The following STAB2 variants were observed in gnomAD, a reference collection of about 807,000 sequenced individuals.
STAB2 encodes the protein stabilin 2, also known as stabilin-2.
In STAB2, 288 loss-of-function variants were observed where a neutral mutation model predicts 338.1. That is an observed-to-expected ratio of 0.85 (90% CI 0.77 to 0.94). The LOEUF (loss-of-function observed/expected upper bound fraction) is 0.94, where lower values mean the gene tolerates loss of function less well. Among genes scored for constraint, STAB2 ranks in the 40% least tolerant of loss-of-function variants. The probability of loss-of-function intolerance (pLI) is 0.00; values close to 1 mark genes in which losing one functional copy is unlikely to be tolerated. For missense variants in STAB2, 3,141 were observed against 3,210.1 expected (o/e 0.98, Z 0.52); for synonymous variants, 1,202 against 1,193.3 (o/e 1.01, Z -0.15).
At chr12:103,687,585 T>C (rs1357946187) in intron 27 of STAB2, among the ~76,000 whole-genome samples, 3 of 152,198 alleles carry the variant, frequency 2.0e-5, no homozygotes, top group Non-Finnish European at 2.9e-5. Flanking sequence ...TAAAACTTAC[T>C]GAAATTACTG....
Position 103,730,130 on chromosome 12 carries a change from A to G in STAB2, c.5097A>G (p.Ile1699Met). Residue 1699 changes from isoleucine (I) to methionine (M), a missense_variant, in exon 49 of 69, where the codon ATA becomes ATG. Ile to Met is a conservative substitution (Grantham distance 10, BLOSUM62 1). Transcript: ENST00000388887. ...GTTGATTTCAGAGCACGGTGTATAT[A>G]AACAATAAGGCTAAGATCATATCCA... ...VISVSQSTVY[I>M]NNKAKIISSD... 1.2e-6 allele frequency: 2 copies of G among 1,602,976 alleles called. No individual in the cohort carries two copies. The highest frequency in any genetic ancestry group is 1.7e-6 in the Non-Finnish European group (2 of 1,175,764).
At chr12:103,599,646 T>A (rs1212461093) in intron 3 of STAB2, among the ~76,000 whole-genome samples, 1 of 152,228 alleles carries the variant, frequency 6.6e-6, no homozygotes, top group African/African-American at 2.4e-5. Context: ...CAATATTCAT[T>A]GCCTATCTGA....
chr12:103,625,004 T>C (rs1196612635), intron 5 of STAB2, among the ~76,000 whole-genome samples: 1 of 150,992 alleles, frequency 6.6e-6, no homozygotes, highest in Non-Finnish European at 1.5e-5. Flanking sequence ...AACATTACAT[T>C]AAAGGACAGC....
rs187690547 is a variant in STAB2, at chr12:103,736,497, G to A, written c.5550+917G>A. On this transcript the variant is annotated intron_variant, in intron 52 of 68. Coordinates refer to ENST00000388887, the MANE Select transcript of STAB2 (RefSeq NM_017564.10). ...ATCTTTTCATTCCAGCTTCTGGTACGTTATCCCAGTGTGCACTCTTGGGAT... is the reference window on the plus strand; with the variant it reads ...ATCTTTTCATTCCAGCTTCTGGTACATTATCCCAGTGTGCACTCTTGGGAT... Among the ~76,000 whole-genome samples the A allele has an allele frequency of 6.0e-4, 91 of 152,166 alleles. 4 individuals carry two copies. Among genetic ancestry groups the A allele is most frequent in the Admixed American group, 2.1e-3 (32 of 15,292 alleles).
chr12:103,727,140 C>T, intron 46 of STAB2, 127 bp from the exon 47 acceptor site: 1 of 902,298 alleles, frequency 1.1e-6, no homozygotes, highest in South Asian at 1.5e-5. Flanking sequence ...GAATCCAAGA[C>T]TGAAACAGAG....
At chr12:103,654,809 G>C in intron 13 of STAB2, 111 bp downstream of exon 13, 1 of 1,371,260 alleles carries the variant, frequency 7.3e-7, no homozygotes, top group Non-Finnish European at 9.8e-7. Flanking sequence ...TTTGTGCTAG[G>C]ATCCCGAGCA....
rs1053888500 is a variant in STAB2, at chr12:103,766,317, A to C, written c.7637A>C (p.Asp2546Ala). 2 of 1,613,384 alleles carry C rather than the reference A, an allele frequency of 1.2e-6. No individual in the cohort carries two copies. The highest frequency in any genetic ancestry group is 3.3e-5 in the Admixed American group (2 of 59,982). Residue 2546 changes from aspartate to alanine, a missense_variant, in exon 69 of 69, where the codon GAC (aspartate) becomes GCC (alanine). Transcript: ENST00000388887. The stretch of plus-strand genomic sequence containing the variant: ...GAAGAACGGCAGCTTGAGGGCAATG[A>C]CCCCTTGAGGACACTGTGAGGGCCT... ...DSEERQLEGN[D>A]PLRTL
intron 3 of STAB2, among the ~76,000 whole-genome samples, chr12:103,601,550 T>C (rs1193315134): frequency 1.3e-5 from 2 of 152,146 alleles, no homozygotes; most frequent in East Asian, 3.9e-4. Flanking sequence ...CAAGATCGCG[T>C]CAATGCACTC....
At chr12:103,660,571 T>A in intron 16 of STAB2, 112 bp from the exon 17 acceptor site, 1 of 1,345,590 alleles carries the variant, frequency 7.4e-7, no homozygotes, top group Admixed American at 1.8e-5. Flanking sequence ...AGATCAAAAC[T>A]CCCTTTACTT....
At chr12:103,696,130 A>G (rs1469920735) in intron 33 of STAB2, among the ~76,000 whole-genome samples, 1 of 152,112 alleles carries the variant, frequency 6.6e-6, no homozygotes, top group Non-Finnish European at 1.5e-5. Flanking sequence ...AAATATGAAC[A>G]AAGGAAGCCC....
chr12:103,609,174 T>C (rs1035944690), intron 3 of STAB2, among the ~76,000 whole-genome samples: 1 of 152,250 alleles, frequency 6.6e-6, no homozygotes, highest in Non-Finnish European at 1.5e-5. Context: ...ATGCGGGCTC[T>C]TTTTTGGTTC....
At chr12:103,703,573 C>T (rs1436136375) in intron 35 of STAB2, among the ~76,000 whole-genome samples, 1 of 151,928 alleles carries the variant, frequency 6.6e-6, no homozygotes, top group African/African-American at 2.4e-5. Context: ...CTGTGTTGGG[C>T]AGGATTTTGG....
intron 31 of STAB2, among the ~76,000 whole-genome samples, chr12:103,693,753 A>G (rs977956914): frequency 6.6e-6 from 1 of 152,244 alleles, no homozygotes; most frequent in African/African-American, 2.4e-5. Flanking sequence ...TTACCATATT[A>G]GGATCTTCAT....
At chr12:103,605,106 AC>A (rs1299449883) in intron 3 of STAB2, among the ~76,000 whole-genome samples, 1 of 151,808 alleles carries the variant, frequency 6.6e-6, no homozygotes, top group Non-Finnish European at 1.5e-5. Flanking sequence ...GAAATCGGTT[AC>A]TTTTATGTAT....
At chr12:103,740,779 C>T (rs369191424) in intron 55 of STAB2, 23 bp downstream of exon 55, 42 of 1,551,728 alleles carry the variant, frequency 2.7e-5, no homozygotes, top group African/African-American at 1.3e-4. Flanking sequence ...CTTCCCCCCT[C>T]GCAACTCTAA....
chr12:103,604,441 C>T (rs1174324471), intron 3 of STAB2, among the ~76,000 whole-genome samples: 3 of 151,990 alleles, frequency 2.0e-5, no homozygotes, highest in South Asian at 2.1e-4. Context: ...ACTGATATAA[C>T]TTCTTCCTTA....
chr12:103,604,794 T>C (rs1957003330), intron 3 of STAB2, among the ~76,000 whole-genome samples: 1 of 151,758 alleles, frequency 6.6e-6, no homozygotes, highest in Non-Finnish European at 1.5e-5. Flanking sequence ...TCACCAGCTT[T>C]TGGTTTCATT....
intron 24 of STAB2, 37 bp downstream of exon 24, chr12:103,676,058 C>CTTTTTTTTTTTTTTTTTTTT (rs35874368): frequency 1.7e-6 from 1 of 599,838 alleles, no homozygotes; most frequent in Non-Finnish European, 2.4e-6. Flanking sequence ...TGCCTGGTTT[C>CTTTTTTTTTTTTTTTTTTTT]TTTTTTTTTT....
Position 103,695,978 on chromosome 12 carries a change from C to T in STAB2, c.3582+134C>T, listed in dbSNP as rs772953319. 20 of 820,364 alleles carry T rather than the reference C, an allele frequency of 2.4e-5. No individual in the cohort carries two copies. In the Admixed American group the frequency reaches 3.0e-4, roughly 12 times the overall value. 50.8% of individuals were successfully genotyped at this position (820,364 alleles called of 1,614,324 possible). A position where few individuals can be genotyped will look rare whatever the true frequency, so the allele number is the denominator to read the frequency against. On this transcript the variant is annotated intron_variant, in intron 33 of 68. Transcript: ENST00000388887. ...GCCACATACTTGACGTAGACTGGTG[C>T]AGAGACTCTCTCATACACAAACATC...
Sources: allele counts gnomAD v4.1 joint callset (sites outside exome capture counted in the v4.1 genomes callset), GRCh38; gene constraint gnomAD v4.1.1; transcripts MANE v1.5; gene names NCBI Gene and HGNC (gene_info 2026-07-23, HGNC 2026-07-21).